The following NUP93 variants were observed in gnomAD, a reference collection of about 807,000 sequenced individuals.
The protein encoded by NUP93 is nuclear pore complex protein Nup93.
A neutral mutation model predicts 107.8 loss-of-function variants in NUP93; 55 were observed. That is an observed-to-expected ratio of 0.51 (90% confidence interval 0.41 to 0.64). The LOEUF (loss-of-function observed/expected upper bound fraction) is 0.64. Among genes scored for constraint, NUP93 ranks in the 30% least tolerant of loss-of-function variants. The pLI is 0.00. For synonymous variants in NUP93, 390 were observed against 397.5 expected (o/e 0.98, Z 0.22); for missense variants, 937 against 1,044.7 (o/e 0.90, Z 1.42).
At chr16:56,783,666 C>T (rs1962562391) in intron 3 of NUP93, 1 of 985,266 alleles carries the variant, frequency 1.0e-6, no homozygotes. Context: ...AATGTCTCAG[C>T]CACCATTTTT....
chr16:56,813,589 T>A (rs1963360300), intron 5 of NUP93, among the ~76,000 whole-genome samples: 1 of 152,180 alleles, frequency 6.6e-6, no homozygotes, highest in Non-Finnish European at 1.5e-5. Context: ...TTTCTGACAG[T>A]AGAGGAATGT....
chr16:56,770,972 C>T (rs1288195389), intron 3 of NUP93, among the ~76,000 whole-genome samples: 1 of 151,980 alleles, frequency 6.6e-6, no homozygotes, highest in African/African-American at 2.4e-5. Flanking sequence ...TATAAATTGA[C>T]ACACAGTCTG....
Position 56,832,323 on chromosome 16 carries a change from G to T in NUP93, c.1280G>T (p.Gly427Val). ...KLNQVCFDDD[G>V]TSSPQDRLTL... The stretch of plus-strand genomic sequence containing the variant: ...AACCAAGTGTGTTTTGACGACGATG[G>T]CACCAGCTCCCCACAAGACAGGCTC... Residue 427 changes from glycine (G) to valine (V), a missense_variant, in exon 12 of 22, where the codon GGC (glycine) becomes GTC (valine). Physicochemically the swap from Gly to Val is moderately radical, Grantham distance 109. Coordinates refer to ENST00000308159, the MANE Select transcript of NUP93 (RefSeq NM_014669.5). 6.2e-7 allele frequency: 1 copy of T among 1,614,092 alleles called. No individual in the cohort carries two copies. The highest frequency in any genetic ancestry group is 1.1e-5 in the South Asian group (1 of 91,082).
chr16:56,766,740 G>T (rs1962222699), intron 3 of NUP93, among the ~76,000 whole-genome samples: 1 of 152,140 alleles, frequency 6.6e-6, no homozygotes, highest in Non-Finnish European at 1.5e-5. Context: ...GCAAACTGAG[G>T]CTTCTCAGTT....
intron 5 of NUP93, among the ~76,000 whole-genome samples, chr16:56,809,036 C>T (rs1963254265): frequency 1.3e-5 from 2 of 151,972 alleles, no homozygotes; most frequent in South Asian, 2.1e-4. Context: ...CTTACAGAAA[C>T]GTTAGCTTAC....
intron 3 of NUP93, among the ~76,000 whole-genome samples, chr16:56,788,877 G>A (rs1331743584): frequency 6.6e-6 from 1 of 152,190 alleles, no homozygotes; most frequent in African/African-American, 2.4e-5. Flanking sequence ...CCCCACCACA[G>A]GAATGGCATG....
chr16:56,741,112 A>G (rs1597101092), intron 1 of NUP93, among the ~76,000 whole-genome samples: 1 of 152,204 alleles, frequency 6.6e-6, no homozygotes, highest in African/African-American at 2.4e-5. Flanking sequence ...GTAGTGGGCA[A>G]TACAACATAC....
chr16:56,731,713 C>T (rs1961538407), intron 1 of NUP93, among the ~76,000 whole-genome samples: 1 of 152,178 alleles, frequency 6.6e-6, no homozygotes, highest in Non-Finnish European at 1.5e-5. Context: ...ACCCAGTCTT[C>T]TGTTTTTCAC....
intron 20 of NUP93, 42 bp downstream of exon 20, chr16:56,839,646 A>G: frequency 6.9e-7 from 1 of 1,459,662 alleles, no homozygotes; most frequent in East Asian, 2.3e-5. Context: ...CTTTTTCCCC[A>G]CTTCCACCAA....
In NUP93 at chr16:56,830,613, TTAA is replaced by T; in HGVS notation, c.1015_1017del (p.Asn339del). The T allele has an allele frequency of 2.5e-6, 4 of 1,610,862 alleles. No homozygotes were observed. The highest frequency in any genetic ancestry group is 3.4e-6 in the Non-Finnish European group (4 of 1,177,306). ...GACCTGCTTGCCGCTTCACAGGTAGTTAATCGAGCCCAGCACCAGCTGGGAGAG... is the reference window on the plus strand; with the variant it reads ...GACCTGCTTGCCGCTTCACAGGTAGTTCGAGCCCAGCACCAGCTGGGAGAG... On this transcript the variant is annotated inframe_deletion, in exon 10 of 22. Coordinates refer to ENST00000308159, the MANE Select transcript of NUP93 (RefSeq NM_014669.5).
chr16:56,744,094 C>T (rs1353282102), intron 1 of NUP93, among the ~76,000 whole-genome samples: 2 of 152,144 alleles, frequency 1.3e-5, no homozygotes, highest in Admixed American at 6.6e-5. Context: ...TGCTCCGGGT[C>T]CTGCTTCCGT....
intron 3 of NUP93, chr16:56,781,662 A>G (rs1343497564): frequency 5.6e-6 from 1 of 179,504 alleles, no homozygotes; most frequent in East Asian, 1.9e-4. Context: ...TTAACCATGC[A>G]AGATGTCGGA....
chr16:56,731,553 G>A (rs1426813225), intron 1 of NUP93, among the ~76,000 whole-genome samples: 1 of 151,960 alleles, frequency 6.6e-6, no homozygotes, highest in Non-Finnish European at 1.5e-5. Flanking sequence ...GATTACAGGC[G>A]TGTACCACCT....
intron 3 of NUP93, among the ~76,000 whole-genome samples, chr16:56,776,921 G>C (rs1312812313): frequency 6.6e-6 from 1 of 152,160 alleles, no homozygotes; most frequent in East Asian, 1.9e-4. Flanking sequence ...TTTTACTGTG[G>C]TAGAACTTCT....
chr16:56,781,670 G>A (rs187279961), intron 3 of NUP93: 66 of 189,904 alleles, frequency 3.5e-4, no homozygotes, highest in African/African-American at 1.5e-3. Context: ...GCAAGATGTC[G>A]GAAGTCATCA....
chr16:56,822,651 CCTG>C (rs1666748264), intron 7 of NUP93, among the ~76,000 whole-genome samples: 1 of 150,064 alleles, frequency 6.7e-6, no homozygotes, highest in South Asian at 2.1e-4. Context: ...ACCTCCACCT[CCTG>C]GGTTCAAGCG....
intron 5 of NUP93, among the ~76,000 whole-genome samples, chr16:56,807,690 G>A (rs1963172484): frequency 6.6e-6 from 1 of 152,152 alleles, no homozygotes; most frequent in Non-Finnish European, 1.5e-5. Context: ...GTGCTAAGTT[G>A]AAATTTTTTT....
intron 20 of NUP93, 125 bp from the exon 21 acceptor site, chr16:56,841,580 C>A: frequency 8.3e-7 from 1 of 1,208,506 alleles, no homozygotes; most frequent in Non-Finnish European, 1.2e-6. Context: ...CTGTGTGGCT[C>A]TCCACCTGGC....
At chr16:56,824,134 C>T (rs893127764) in intron 8 of NUP93, among the ~76,000 whole-genome samples, 14 of 152,114 alleles carry the variant, frequency 9.2e-5, no homozygotes, top group African/African-American at 2.9e-4. Context: ...TACGTAAGGC[C>T]GTAGTGCCTT....
Sources: allele counts gnomAD v4.1 joint callset (sites outside exome capture counted in the v4.1 genomes callset), GRCh38; gene constraint gnomAD v4.1.1; transcripts MANE v1.5; gene names NCBI Gene and HGNC (gene_info 2026-07-23, HGNC 2026-07-21).